ASIC5: variants seen among roughly 807,000 people sequenced by gnomAD.
ASIC5 encodes the protein bile acid-sensitive ion channel.
ASIC5 carries 52 observed loss-of-function variants against 51.2 expected under a neutral mutation model. That is an observed-to-expected ratio of 1.02 (90% confidence interval 0.81 to 1.28). The LOEUF (loss-of-function observed/expected upper bound fraction) is 1.28, where lower values mean the gene tolerates loss of function less well. Among genes scored for constraint, ASIC5 ranks in the 50% most tolerant of loss-of-function variants. ASIC5 has a pLI of 0.00. For synonymous variants in ASIC5, 231 were observed against 200.7 expected (o/e 1.15, Z -1.28); for missense variants, 635 against 595.0 (o/e 1.07, Z -0.70).
intron 2 of ASIC5, among the ~76,000 whole-genome samples, chr4:155,855,720 AT>A (rs1741519092): frequency 6.7e-6 from 1 of 149,006 alleles, no homozygotes; most frequent in East Asian, 2.0e-4. Context: ...ATATATCTAT[AT>A]GTGTGTGTAT....
At chr4:155,843,132 G>A (rs1325728900) in intron 5 of ASIC5, among the ~76,000 whole-genome samples, 1 of 152,260 alleles carries the variant, frequency 6.6e-6, no homozygotes, top group South Asian at 2.1e-4. Flanking sequence ...TGAAGGCAGG[G>A]TTTCACCAGG....
At position 155,856,540 on chromosome 4, in the gene ASIC5, C is replaced by T. The variant is rs564179958; in HGVS notation, c.348-2226G>A. 5.3e-5 allele frequency among the ~76,000 whole-genome samples: 8 copies of T among 152,196 alleles called. No individual in the cohort carries two copies. In the East Asian group the frequency reaches 1.5e-3, roughly 29 times the overall value. ...CCTAAAACTCTGTAAATATCCTCCTCGGACTTCCTGATTCCAAGGCACTAT... is the reference window on the plus strand; with the variant it reads ...CCTAAAACTCTGTAAATATCCTCCTTGGACTTCCTGATTCCAAGGCACTAT... On this transcript the variant is annotated intron_variant, in intron 2 of 9. Transcript: ENST00000537611.
chr4:155,842,237 G>C lies in ASIC5; in HGVS notation c.979C>G (p.Gln327Glu), dbSNP rs753008533. The C allele has an allele frequency of 1.8e-5, 29 of 1,613,494 alleles. No homozygotes were observed. The highest frequency in any genetic ancestry group is 2.4e-5 in the Non-Finnish European group (28 of 1,179,694). Residue 327 changes from glutamine to glutamate, a missense_variant, in exon 6 of 10, where the codon CAA becomes GAA. By Grantham distance (29) the Gln-to-Glu change is conservative. Coordinates refer to ENST00000537611, the MANE Select transcript of ASIC5 (RefSeq NM_017419.3). Reference sequence around the variant, plus strand: ...AGAAGAAAAGGCACACATCCACATTGCTTTTTTATGTGCTGGGCTTTGCAT... The same window carrying C: ...AGAAGAAAAGGCACACATCCACATTCCTTTTTTATGTGCTGGGCTTTGCAT... ...KECKAQHIKK[Q>E]CGCVPFLLPG...
At chr4:155,862,731 A>T (rs1741744395) in intron 2 of ASIC5, among the ~76,000 whole-genome samples, 2 of 152,138 alleles carry the variant, frequency 1.3e-5, no homozygotes, top group African/African-American at 4.8e-5. Context: ...AGCCGCACTG[A>T]TCACAGACCC....
rs1327056289 is a variant in ASIC5, at chr4:155,836,840, C to T, written c.1084G>A (p.Asp362Asn). Residue 362 changes from aspartate to asparagine, a missense_variant, in exon 8 of 10, where the codon GAT (aspartate) becomes AAT (asparagine). Coordinates refer to ENST00000537611, the MANE Select transcript of ASIC5 (RefSeq NM_017419.3). ...SPVLDHIEFKDLCTVGTHNSS... is the reference protein window; with the variant it reads ...SPVLDHIEFKNLCTVGTHNSS... ...TTATGTGTTCCTACTGTACATAAAT[C>T]CTTAAATTCAATGTGGTCTGAAATG... The T allele has an allele frequency of 3.8e-6, 6 of 1,593,864 alleles. No homozygotes were observed. Among genetic ancestry groups the T allele is most frequent in the East Asian group, 2.3e-5 (1 of 44,314 alleles).
chr4:155,859,530 C>T (rs1374137816), intron 2 of ASIC5, among the ~76,000 whole-genome samples: 7 of 152,008 alleles, frequency 4.6e-5, no homozygotes, highest in Non-Finnish European at 1.0e-4. Context: ...ATTTTCTACT[C>T]ACAAGGTGGT....
intron 3 of ASIC5, 145 bp downstream of exon 3, chr4:155,853,932 C>T: frequency 1.5e-6 from 1 of 645,618 alleles, no homozygotes; most frequent in South Asian, 1.9e-5. Context: ...CCCCTGATAT[C>T]ATAAGGCTGA....
At chr4:155,852,471 G>GT (rs35738215) in intron 3 of ASIC5, among the ~76,000 whole-genome samples, 155 bp from the exon 4 acceptor site, 114,023 of 147,734 alleles carry the variant, frequency 0.77, 44,679 homozygotes, top group Non-Finnish European at 0.85. Context: ...TTCAGTGATA[G>GT]TTTTTTTTTT....
chr4:155,860,547 C>T (rs1741675664), intron 2 of ASIC5, among the ~76,000 whole-genome samples: 2 of 151,918 alleles, frequency 1.3e-5, no homozygotes, highest in South Asian at 2.1e-4. Flanking sequence ...TAAAATTATA[C>T]TTTGGGAGCT....
chr4:155,854,368 GGAAGA>G, intron 2 of ASIC5, 54 bp from the exon 3 acceptor site: 1 of 1,180,820 alleles, frequency 8.5e-7, no homozygotes, highest in Non-Finnish European at 1.2e-6. Context: ...ATAATTATCT[GGAAGA>G]CAGATACCAA....
intron 9 of ASIC5, among the ~76,000 whole-genome samples, chr4:155,830,467 C>G (rs1740848561): frequency 6.6e-6 from 1 of 152,112 alleles, no homozygotes; most frequent in Non-Finnish European, 1.5e-5. Flanking sequence ...AGTGTCAAAA[C>G]TGTATTTCTT....
At chr4:155,847,722 A>G (rs1029084628) in intron 4 of ASIC5, among the ~76,000 whole-genome samples, 2 of 152,030 alleles carry the variant, frequency 1.3e-5, no homozygotes, top group East Asian at 3.9e-4. Flanking sequence ...ACTCTGTCTC[A>G]GTAAAAAAAA....
intron 4 of ASIC5, among the ~76,000 whole-genome samples, chr4:155,847,924 G>A (rs1324072844): frequency 6.6e-6 from 1 of 152,020 alleles, no homozygotes; most frequent in East Asian, 1.9e-4. Context: ...TGCAAGACCA[G>A]CATATGGACT....
rs1263355255 is a variant in ASIC5, at chr4:155,829,907, AG to A, written c.1466del (p.Thr489IlefsTer14). 1 of 1,604,444 alleles carries A rather than the reference AG, an allele frequency of 6.2e-7. No individual in the cohort carries two copies. Among genetic ancestry groups the A allele is most frequent in the Admixed American group, 1.7e-5 (1 of 58,518 alleles). On this transcript the variant is annotated frameshift_variant, in exon 10 of 10. Transcript: ENST00000537611. LOFTEE classifies it low-confidence loss of function (END_TRUNC). Reference protein sequence around the residue: ...LLKISEMTQWTPPPQNHLGNK... With the variant: ...LLKISEMTQWXPPPQNHLGNK... ...TTCCCAGATGATTCTGAGGTGGAGG[AG>A]TCCACTGGGTCATTTCAGATATCTT...
rs368255235 is a variant in ASIC5, at chr4:155,832,430, T to C, written c.1236-515A>G. On this transcript the variant is annotated intron_variant, in intron 8 of 9. Transcript: ENST00000537611. Reference sequence around the variant, plus strand: ...ATGAATACTAATTATTAACTATGTGTCATTAATATACCTAGGCAAAGACTC... The same window carrying C: ...ATGAATACTAATTATTAACTATGTGCCATTAATATACCTAGGCAAAGACTC... Among the ~76,000 whole-genome samples the C allele has an allele frequency of 1.4e-4, 22 of 152,326 alleles. 1 individual carries two copies. Among genetic ancestry groups the C allele is most frequent in the South Asian group, 8.3e-4 (4 of 4,816 alleles).
intron 6 of ASIC5, among the ~76,000 whole-genome samples, chr4:155,840,734 C>G (rs1741096929): frequency 1.3e-5 from 2 of 151,970 alleles, no homozygotes; most frequent in Non-Finnish European, 2.9e-5. Context: ...AACAAATTAG[C>G]CACAAGATTA....
At chr4:155,830,764 T>C (rs987895077) in intron 9 of ASIC5, among the ~76,000 whole-genome samples, 2 of 152,148 alleles carry the variant, frequency 1.3e-5, no homozygotes, top group African/African-American at 4.8e-5. Flanking sequence ...ATCCTTCCTC[T>C]CCTCGGCCCA....
chr4:155,845,921 A>G (rs543532679), intron 4 of ASIC5, among the ~76,000 whole-genome samples: 1 of 152,192 alleles, frequency 6.6e-6, no homozygotes, highest in Non-Finnish European at 1.5e-5. Flanking sequence ...CTGAATGTCT[A>G]AGATAGGAAA....
intron 6 of ASIC5, among the ~76,000 whole-genome samples, chr4:155,841,670 T>C (rs1018528771): frequency 9.2e-5 from 14 of 152,140 alleles, no homozygotes; most frequent in African/African-American, 3.4e-4. Flanking sequence ...GTAAGACATA[T>C]CCATGATCTA....
Sources: gnomAD v4.1 joint callset for allele counts (sites outside exome capture counted in the v4.1 genomes callset) on GRCh38, gnomAD v4.1.1 for gene constraint, MANE v1.5 for transcripts, NCBI Gene and HGNC (gene_info 2026-07-23, HGNC 2026-07-21) for gene names.